HDAC2: variants seen among roughly 807,000 people sequenced by gnomAD.
HDAC2 encodes histone deacetylase 2.
HDAC2 carries 5 observed loss-of-function variants against 68.5 expected under a neutral mutation model. The ratio of observed to expected loss-of-function variants is 0.07; its 90% CI spans 0.04 to 0.15. The LOEUF (loss-of-function observed/expected upper bound fraction) is 0.15, where lower values mean the gene tolerates loss of function less well. Among genes scored for constraint, HDAC2 ranks in the 10% least tolerant of loss-of-function variants. The pLI, the probability that HDAC2 is intolerant of heterozygous loss-of-function variation, is 1.00. For synonymous variants in HDAC2, 182 were observed against 191.3 expected (o/e 0.95, Z 0.40); for missense variants, 291 against 600.8 (o/e 0.48, Z 5.39).
chr6:113,959,225 T>C (rs1273538554), intron 2 of HDAC2, among the ~76,000 whole-genome samples: 1 of 152,110 alleles, frequency 6.6e-6, no homozygotes, highest in African/African-American at 2.4e-5. Flanking sequence ...TATGACACAA[T>C]TCTTCCACAA....
Position 113,939,048 on chromosome 6 carries a change from G to C in HDAC2, c.*2010C>G, listed in dbSNP as rs1276791674. On this transcript the variant is annotated 3_prime_UTR_variant, in exon 14 of 14. Coordinates refer to ENST00000519065, the MANE Select transcript of HDAC2 (RefSeq NM_001527.4). ...TACTTAACATGTGTCAACAGGGGTA[G>C]ATCAGAATATTAAATGAAAAAAAGC... 6.6e-6 allele frequency: 1 copy of C among 152,172 alleles called. No homozygotes were observed. Among genetic ancestry groups the C allele is most frequent in the Non-Finnish European group, 1.5e-5 (1 of 68,042 alleles). The allele number at this position is 152,172 out of a possible 1,614,324, so 9.4% of individuals were successfully genotyped here.
chr6:113,955,996 A>G lies in HDAC2; in HGVS notation c.497+17T>C. On this transcript the variant is annotated intron_variant, in intron 5 of 13. Transcript: ENST00000519065. Reference sequence around the variant, plus strand: ...ACACTTTATCACTGAAAAGAGTATCAATATAAATTAACATACTTTAGTAAT... The same window carrying G: ...ACACTTTATCACTGAAAAGAGTATCGATATAAATTAACATACTTTAGTAAT... 6.4e-7 allele frequency: 1 copy of G among 1,559,016 alleles called. No homozygotes were observed. The highest frequency in any genetic ancestry group is 1.2e-5 in the South Asian group (1 of 85,100).
intron 1 of HDAC2, 56 bp downstream of exon 1, chr6:113,970,801 G>A: frequency 2.1e-5 from 31 of 1,465,852 alleles, no homozygotes; most frequent in South Asian, 2.8e-5. Context: ...GACGGCAGCC[G>A]CGGAACCCAG....
In HDAC2 at chr6:113,938,725, G is replaced by T. The variant is rs929575011; in HGVS notation, c.*2333C>A. ...GTTACATTGACCTTACTAGACACAA[G>T]AACCATAGCTTCTTTACATATTATT... is the stretch of plus-strand genomic sequence containing the variant. On this transcript the variant is annotated 3_prime_UTR_variant, in exon 14 of 14. Transcript: ENST00000519065. 6.6e-6 allele frequency: 1 copy of T among 152,060 alleles called. No individual in the cohort carries two copies. Among genetic ancestry groups the T allele is most frequent in the Non-Finnish European group, 1.5e-5 (1 of 68,002 alleles). The allele number at this position is 152,060 out of a possible 1,614,324, so 9.4% of individuals were successfully genotyped here.
chr6:113,947,835 G>A (rs576063916), intron 8 of HDAC2: 30 of 152,114 alleles, frequency 2.0e-4, no homozygotes, highest in Admixed American at 7.9e-4. Flanking sequence ...AAATAAAGAA[G>A]CTTTTAATAT....
At chr6:113,941,176 C>T (rs1776123651) in intron 13 of HDAC2, 88 bp from the exon 14 acceptor site, 2 of 920,822 alleles carry the variant, frequency 2.2e-6, no homozygotes, top group East Asian at 5.1e-5. Context: ...GTCCTGTAGG[C>T]TCATGCTAAG....
At chr6:113,949,303 TAA>T in intron 6 of HDAC2, 43 bp from the exon 7 acceptor site, 1 of 1,260,182 alleles carries the variant, frequency 7.9e-7, no homozygotes. Flanking sequence ...TATTCTATAA[TAA>T]AAAGTTTGGC....
intron 1 of HDAC2, among the ~76,000 whole-genome samples, chr6:113,961,747 C>A (rs964738495): frequency 6.6e-6 from 1 of 152,118 alleles, no homozygotes; most frequent in African/African-American, 2.4e-5. Context: ...TAAATTAATA[C>A]AAGGGAAGGC....
chr6:113,955,681 A>T (rs953962465), intron 5 of HDAC2, among the ~76,000 whole-genome samples: 13 of 150,988 alleles, frequency 8.6e-5, no homozygotes, highest in Non-Finnish European at 1.8e-4. Flanking sequence ...CATCTGGCTA[A>T]TTTTTTTTCT....
chr6:113,953,532 A>C, intron 5 of HDAC2, 114 bp from the exon 6 acceptor site: 1 of 622,258 alleles, frequency 1.6e-6, no homozygotes, highest in South Asian at 2.2e-5. Flanking sequence ...ATGTTTAATC[A>C]CCTTTTACAT....
chr6:113,952,726 C>T (rs1030827520), intron 6 of HDAC2, among the ~76,000 whole-genome samples: 4 of 152,034 alleles, frequency 2.6e-5, no homozygotes, highest in Non-Finnish European at 4.4e-5. Context: ...ACAAGAGCAT[C>T]AAATGGAAAA....
intron 8 of HDAC2, chr6:113,948,709 ACT>A: frequency 2.8e-6 from 1 of 358,446 alleles, no homozygotes; most frequent in East Asian, 4.6e-5. Context: ...TTTTATTTAC[ACT>A]GAGTCAACAA....
intron 1 of HDAC2, 127 bp downstream of exon 1, chr6:113,970,730 A>G: frequency 1.4e-6 from 2 of 1,413,602 alleles, no homozygotes; most frequent in Non-Finnish European, 1.8e-6. Context: ...GGAACGGGTT[A>G]AGATGCGGCC....
In HDAC2 at chr6:113,938,447, C is replaced by G. The variant is rs1176347721; in HGVS notation, c.*2611G>C. 1 of 151,834 alleles carries G rather than the reference C, an allele frequency of 6.6e-6. No individual in the cohort carries two copies. Among genetic ancestry groups the G allele is most frequent in the African/African-American group, 2.4e-5 (1 of 41,360 alleles). The allele number at this position is 151,834 out of a possible 1,614,324, so 9.4% of individuals were successfully genotyped here. A position where few individuals can be genotyped will look rare whatever the true frequency, so the allele number is the denominator to read the frequency against. Reference sequence around the variant, plus strand: ...ATTTTTTTTTTGTTATCAAATATATCTTTTATAGTTGAGTTTGGTGTCACA... The same window carrying G: ...ATTTTTTTTTTGTTATCAAATATATGTTTTATAGTTGAGTTTGGTGTCACA... On this transcript the variant is annotated 3_prime_UTR_variant, in exon 14 of 14. Coordinates refer to ENST00000519065, the MANE Select transcript of HDAC2 (RefSeq NM_001527.4).
intron 1 of HDAC2, among the ~76,000 whole-genome samples, chr6:113,960,766 C>T (rs1776664787): frequency 6.6e-6 from 1 of 151,980 alleles, no homozygotes. Context: ...TCCAGTGTTT[C>T]CTATAATAGT....
At chr6:113,958,811 T>A in intron 2 of HDAC2, 45 bp from the exon 3 acceptor site, 1 of 1,060,576 alleles carries the variant, frequency 9.4e-7, no homozygotes, top group Non-Finnish European at 1.5e-6. Context: ...TACAACCGGT[T>A]ATATCAGTAT....
intron 13 of HDAC2, among the ~76,000 whole-genome samples, chr6:113,941,380 T>C (rs1439993733): frequency 1.3e-5 from 2 of 152,046 alleles, no homozygotes; most frequent in African/African-American, 4.8e-5. Context: ...AATTTACCTA[T>C]CTCACAACAC....
rs1776187846 is a variant in HDAC2 at position 113,943,373 on chromosome 6, TTTC to T, written c.1353_1355del (p.Lys452del). 9 of 1,606,060 alleles carry T rather than the reference TTTC, an allele frequency of 5.6e-6. No homozygotes were observed. The highest frequency in any genetic ancestry group is 1.1e-5 in the South Asian group (1 of 89,150). ...GACCTGTTTTTTTGTCCTCTGTTTC[TTTC>T]TTATCTTCTTCAATTCTAGCTTTCT... is the stretch of plus-strand genomic sequence containing the variant. On this transcript the variant is annotated inframe_deletion, in exon 12 of 14. Coordinates refer to ENST00000519065, the MANE Select transcript of HDAC2 (RefSeq NM_001527.4).
chr6:113,945,917 A>T, intron 9 of HDAC2, 91 bp downstream of exon 9: 1 of 971,994 alleles, frequency 1.0e-6, no homozygotes, highest in Non-Finnish European at 1.6e-6. Flanking sequence ...TCAACTTATG[A>T]TGGGTTTATC....
Sources: allele counts gnomAD v4.1 joint callset (sites outside exome capture counted in the v4.1 genomes callset), GRCh38; gene constraint gnomAD v4.1.1; transcripts MANE v1.5; gene names NCBI Gene and HGNC (gene_info 2026-07-23, HGNC 2026-07-21).